Variants in KY observed in about 807,000 individuals in gnomAD.
KY encodes the protein kyphoscoliosis peptidase.
In KY, 43 loss-of-function variants were observed where a neutral mutation model predicts 76.1. That is an observed-to-expected ratio of 0.57 (90% CI 0.44 to 0.73). The LOEUF (loss-of-function observed/expected upper bound fraction) is 0.73, where lower values mean the gene tolerates loss of function less well. Among genes scored for constraint, KY ranks in the 30% least tolerant of loss-of-function variants. The pLI is 0.00. For missense variants in KY, 722 were observed against 828.9 expected (o/e 0.87, Z 1.58); for synonymous variants, 277 against 326.2 (o/e 0.85, Z 1.63).
chr3:134,605,035 C>T (rs1959164968), intron 10 of KY, among the ~76,000 whole-genome samples: 1 of 152,092 alleles, frequency 6.6e-6, no homozygotes, highest in Non-Finnish European at 1.5e-5. Context: ...ATGCTTCTCA[C>T]ATAGGTGTAT....
At chr3:134,644,950 C>G (rs541356651) in intron 2 of KY, among the ~76,000 whole-genome samples, 1 of 152,298 alleles carries the variant, frequency 6.6e-6, no homozygotes, top group Admixed American at 6.5e-5. Flanking sequence ...CCAGATCAGG[C>G]GAGGAAAGGG....
At chr3:134,611,386 C>A (rs1960423968) in intron 8 of KY, among the ~76,000 whole-genome samples, 1 of 152,204 alleles carries the variant, frequency 6.6e-6, no homozygotes, top group Non-Finnish European at 1.5e-5. Flanking sequence ...GGTGTCCTTT[C>A]ATGGCCAGCT....
At chr3:134,647,582 G>A in intron 1 of KY, 85 bp from the exon 2 acceptor site, 1 of 757,154 alleles carries the variant, frequency 1.3e-6, no homozygotes, top group Non-Finnish European at 2.2e-6. Flanking sequence ...GGTTATGGTA[G>A]AGCAGGTGGA....
At chr3:134,620,727 GA>G in intron 7 of KY, 21 bp downstream of exon 7, 1 of 1,579,900 alleles carries the variant, frequency 6.3e-7, no homozygotes, top group Non-Finnish European at 8.7e-7. Context: ...TCTAGAGCCA[GA>G]AATTCCACAG....
In KY at chr3:134,601,705, C is replaced by T. The variant is rs1958974655; in HGVS notation, c.*1874G>A. Among the ~76,000 whole-genome samples the T allele has an allele frequency of 6.6e-6, 1 of 152,172 alleles. No homozygotes were observed. Among genetic ancestry groups the T allele is most frequent in the South Asian group, 2.1e-4 (1 of 4,834 alleles). ...CAGGACCTGCCCAGGACAGTTCAGC[C>T]CCCCAGGGGAGACACCCCTTTTGCT... On this transcript the variant is annotated 3_prime_UTR_variant, in exon 11 of 11. Coordinates refer to ENST00000423778, the MANE Select transcript of KY (RefSeq NM_178554.6).
intron 3 of KY, among the ~76,000 whole-genome samples, chr3:134,632,885 C>G (rs961461773): frequency 5.9e-5 from 9 of 151,802 alleles, no homozygotes; most frequent in African/African-American, 2.2e-4. Context: ...AGGCAAGACA[C>G]AAATCAGGGG....
chr3:134,608,159 GC>G, intron 10 of KY: 1 of 1,154,232 alleles, frequency 8.7e-7, no homozygotes. Flanking sequence ...CTCTGCTGAG[GC>G]CATGTATTCT....
At chr3:134,629,850 A>G (rs558340487) in intron 3 of KY, among the ~76,000 whole-genome samples, 155 bp from the exon 4 acceptor site, 2 of 152,350 alleles carry the variant, frequency 1.3e-5, no homozygotes, top group Non-Finnish European at 2.9e-5. Flanking sequence ...CAAAACAACA[A>G]CAAACCAAGC....
chr3:134,616,711 G>C (rs1961625860), intron 8 of KY, among the ~76,000 whole-genome samples: 1 of 152,152 alleles, frequency 6.6e-6, no homozygotes, highest in Admixed American at 6.6e-5. Flanking sequence ...ATCTGGACCA[G>C]GGCAAAAAGC....
chr3:134,607,924 G>T, intron 10 of KY: 1 of 992,080 alleles, frequency 1.0e-6, no homozygotes, highest in Non-Finnish European at 1.2e-6. Flanking sequence ...GAGTTTGGAG[G>T]CTGGGGGCTT....
rs772648485 is a variant in KY at position 134,643,365 on chromosome 3, C to T, written c.213G>A (p.Glu71=). 6.2e-6 allele frequency: 10 copies of T among 1,613,778 alleles called. No individual in the cohort carries two copies. The highest frequency in any genetic ancestry group is 1.6e-4 in the Middle Eastern group (1 of 6,072). The change falls in exon 3 of 11, where the codon GAG becomes GAA. Residue 71 remains glutamate (E), a synonymous_variant. Transcript: ENST00000423778. ...CCTGGGGCTGCTGAGGGTGCTGCTT[C>T]TCCACCAAGTTTTCTATTTAAGGAA... ...EGNDFHENLV[E]KQHPQQPQVI... is the part of the protein sequence containing the mutation.
chr3:134,635,240 T>A (rs896801428), intron 3 of KY, among the ~76,000 whole-genome samples: 1 of 152,188 alleles, frequency 6.6e-6, no homozygotes, highest in African/African-American at 2.4e-5. Flanking sequence ...CTCATGCCTG[T>A]AATCCCAGCA....
chr3:134,605,154 A>G (rs1417703703), intron 10 of KY, among the ~76,000 whole-genome samples: 2 of 151,860 alleles, frequency 1.3e-5, no homozygotes, highest in African/African-American at 4.8e-5. Context: ...CTGAAGTTTC[A>G]TCTTCGTCTG....
intron 6 of KY, among the ~76,000 whole-genome samples, chr3:134,622,696 T>TA (rs969462151): frequency 1.2e-4 from 19 of 152,104 alleles, no homozygotes; most frequent in South Asian, 2.1e-4. Flanking sequence ...TATTTTATGA[T>TA]AAAAAAAGAA....
intron 7 of KY, 52 bp downstream of exon 7, chr3:134,620,697 A>G (rs200527714): frequency 5.1e-5 from 66 of 1,293,720 alleles, no homozygotes; most frequent in Admixed American, 1.3e-4. Flanking sequence ...AGAGGCCTGC[A>G]GGGAATGGAA....
chr3:134,615,673 G>T (rs781582007), intron 8 of KY, among the ~76,000 whole-genome samples: 124 of 150,588 alleles, frequency 8.2e-4, no homozygotes, highest in Middle Eastern at 7.0e-3. Context: ...AAGGGTGGGG[G>T]AGCTAAGATG....
At chr3:134,620,950 T>C (rs1439251440) in intron 6 of KY, 93 bp from the exon 7 acceptor site, 7 of 760,564 alleles carry the variant, frequency 9.2e-6, no homozygotes, top group Admixed American at 2.2e-5. Flanking sequence ...CTGCTCTTCC[T>C]CCAGGCAGAG....
intron 6 of KY, 81 bp from the exon 7 acceptor site, chr3:134,620,938 T>C (rs1962510160): frequency 2.4e-6 from 2 of 816,672 alleles, no homozygotes; most frequent in Admixed American, 4.2e-5. Flanking sequence ...CTACAGCCAG[T>C]GCTGCTCTTC....
intron 4 of KY, 148 bp downstream of exon 4, chr3:134,629,473 G>C: frequency 1.6e-6 from 1 of 619,738 alleles, no homozygotes; most frequent in Non-Finnish European, 2.9e-6. Context: ...CCAGGATAAA[G>C]CTGTCATGCT....
Sources: allele counts gnomAD v4.1 joint callset (sites outside exome capture counted in the v4.1 genomes callset), GRCh38; gene constraint gnomAD v4.1.1; transcripts MANE v1.5; gene names NCBI Gene and HGNC (gene_info 2026-07-23, HGNC 2026-07-21).